The following RNF144A variants were observed in gnomAD, a reference collection of about 807,000 sequenced individuals.
The protein encoded by RNF144A is E3 ubiquitin-protein ligase RNF144A.
Under a neutral mutation model 38.7 loss-of-function variants are expected in RNF144A, and 11 were observed. The ratio of observed to expected loss-of-function variants is 0.28; its 90% CI spans 0.18 to 0.47. The LOEUF (loss-of-function observed/expected upper bound fraction) is 0.47. Ranked by LOEUF, RNF144A falls within the 20% of genes least tolerant of loss-of-function variation. RNF144A has a pLI of 0.99. For missense variants in RNF144A, 316 were observed against 377.2 expected, an observed-to-expected ratio of 0.84 and a Z score of 1.34; for synonymous variants, 149 against 143.9, an observed-to-expected ratio of 1.04 and a Z score of -0.25.
At chr2:7,032,493 G>T (rs1672379290) in intron 8 of RNF144A, among the ~76,000 whole-genome samples, 1 of 152,262 alleles carries the variant, frequency 6.6e-6, no homozygotes, top group South Asian at 2.1e-4. Flanking sequence ...AAATCGAGGT[G>T]TCAGCAGGGC....
At chr2:6,942,262 G>C (rs1290402502) in intron 2 of RNF144A, among the ~76,000 whole-genome samples, 2 of 152,098 alleles carry the variant, frequency 1.3e-5, no homozygotes, top group African/African-American at 4.8e-5. Flanking sequence ...GACCATCTCA[G>C]AGGACGTTAG....
intron 3 of RNF144A, among the ~76,000 whole-genome samples, chr2:7,009,670 C>T (rs967185878): frequency 6.6e-6 from 1 of 152,184 alleles, no homozygotes; most frequent in Non-Finnish European, 1.5e-5. Flanking sequence ...CAGTTTGCTG[C>T]AGGTTCCCAG....
intron 6 of RNF144A, among the ~76,000 whole-genome samples, chr2:7,062,499 A>T (rs1269044153): frequency 2.8e-5 from 1 of 36,332 alleles, no homozygotes; most frequent in Non-Finnish European, 8.7e-5. Context: ...CTGGGTGCTA[A>T]AAAAAAAAAA....
chr2:6,980,921 G>C (rs1193545488), intron 2 of RNF144A, among the ~76,000 whole-genome samples: 1 of 152,198 alleles, frequency 6.6e-6, no homozygotes, highest in East Asian at 1.9e-4. Flanking sequence ...CTTAACTCTT[G>C]CCTTATGCGC....
At chr2:6,959,998 G>A (rs1443092171) in intron 2 of RNF144A, among the ~76,000 whole-genome samples, 1 of 152,218 alleles carries the variant, frequency 6.6e-6, no homozygotes, top group Non-Finnish European at 1.5e-5. Flanking sequence ...GCTGCTCCAT[G>A]TTACTTCCTC....
chr2:6,977,019 A>T (rs1217824654), intron 2 of RNF144A, among the ~76,000 whole-genome samples: 1 of 152,250 alleles, frequency 6.6e-6, no homozygotes, highest in Non-Finnish European at 1.5e-5. Flanking sequence ...TGAAATTCCC[A>T]GAAATTGGGC....
At chr2:6,989,702 G>A (rs983867421) in intron 2 of RNF144A, among the ~76,000 whole-genome samples, 2 of 151,922 alleles carry the variant, frequency 1.3e-5, no homozygotes, top group African/African-American at 4.8e-5. Context: ...GTGTCATACA[G>A]AATAGTTTTA....
intron 6 of RNF144A, among the ~76,000 whole-genome samples, chr2:7,053,707 T>C (rs1371649509): frequency 6.6e-6 from 1 of 152,248 alleles, no homozygotes; most frequent in Non-Finnish European, 1.5e-5. Context: ...TGTATATGTA[T>C]ACATTTGTAA....
chr2:7,025,100 G>C (rs1266714694), intron 7 of RNF144A, among the ~76,000 whole-genome samples: 3 of 152,150 alleles, frequency 2.0e-5, no homozygotes, highest in African/African-American at 7.2e-5. Flanking sequence ...TGGCAGAATG[G>C]AAGTTCTGGT....
rs552621281 is a variant in RNF144A, at chr2:6,978,477, C to T, written c.-11-18439C>T. 3.9e-5 allele frequency: 6 copies of T among 152,294 alleles called. No individual in the cohort carries two copies. The East Asian group carries it at 5.8e-4, about 15-fold the overall frequency. The allele number at this position is 152,294 out of a possible 1,614,324, so 9.4% of individuals were successfully genotyped here. On this transcript the variant is annotated intron_variant, in intron 2 of 8. Transcript: ENST00000320892. ...GGTTCCAGGGGTAAAAACCCAAGTT[C>T]GAACGTGGGGCTGGGAATAATTACT...
At chr2:7,001,697 A>G (rs554051696) in intron 3 of RNF144A, among the ~76,000 whole-genome samples, 2 of 152,202 alleles carry the variant, frequency 1.3e-5, no homozygotes, top group South Asian at 4.1e-4. Flanking sequence ...CAAAACAAAA[A>G]CGTAACATTT....
chr2:7,008,278 C>A (rs1670578178), intron 3 of RNF144A, among the ~76,000 whole-genome samples: 1 of 152,258 alleles, frequency 6.6e-6, no homozygotes, highest in Admixed American at 6.5e-5. Flanking sequence ...ATGTGCAGGC[C>A]TCCTCGGGAA....
At chr2:7,013,112 G>A (rs1049398974) in intron 3 of RNF144A, among the ~76,000 whole-genome samples, 2 of 152,194 alleles carry the variant, frequency 1.3e-5, no homozygotes, top group African/African-American at 4.8e-5. Context: ...TATTTTGCTA[G>A]GATGGGGAGA....
intron 3 of RNF144A, among the ~76,000 whole-genome samples, chr2:7,010,169 C>A (rs113281891): frequency 6.6e-6 from 1 of 152,164 alleles, no homozygotes; most frequent in African/African-American, 2.4e-5. Flanking sequence ...CCGCTGTCTC[C>A]GGGGTACTGG....
At chr2:6,973,258 T>C (rs1212421599) in intron 2 of RNF144A, among the ~76,000 whole-genome samples, 2 of 152,198 alleles carry the variant, frequency 1.3e-5, no homozygotes, top group African/African-American at 2.4e-5. Context: ...CTTTTCAGTA[T>C]AGGATGTTGT....
At position 7,020,587 on chromosome 2, in the gene RNF144A, G is replaced by A. The variant is rs377363682; in HGVS notation, c.416G>A (p.Arg139His). ...CAGCCAGTGCAGTGCAAAGCCTGCC[G>A]TATGGAATTCTGCTCCACCTGCAAA... ...TPQPVQCKAC[R>H]MEFCSTCKAS... Residue 139 changes from arginine to histidine, a missense_variant, in exon 6 of 9, where the codon CGT becomes CAT. Physicochemically the swap from Arg to His is conservative, Grantham distance 29. Coordinates refer to ENST00000320892, the MANE Select transcript of RNF144A (RefSeq NM_014746.6). 6.9e-5 allele frequency: 111 copies of A among 1,612,424 alleles called. No homozygotes were observed. Among genetic ancestry groups the A allele is most frequent in the Non-Finnish European group, 8.1e-5 (96 of 1,180,010 alleles).
chr2:7,066,286 A>G (rs1407689715), intron 6 of RNF144A, among the ~76,000 whole-genome samples: 1 of 151,882 alleles, frequency 6.6e-6, no homozygotes, highest in East Asian at 1.9e-4. Flanking sequence ...ACGGGGTTTC[A>G]CCGTGTTAGC....
intron 2 of RNF144A, among the ~76,000 whole-genome samples, chr2:6,954,770 A>T (rs1666894715): frequency 6.6e-6 from 1 of 152,248 alleles, no homozygotes; most frequent in Non-Finnish European, 1.5e-5. Context: ...AAGGACTGAG[A>T]TCTTACGTGC....
chr2:7,037,954 C>A (rs781444345), intron 8 of RNF144A, among the ~76,000 whole-genome samples: 2 of 152,228 alleles, frequency 1.3e-5, no homozygotes, highest in Non-Finnish European at 2.9e-5. Flanking sequence ...CTCATTTCTG[C>A]AGGCTGCCTG....
Sources: allele counts gnomAD v4.1 joint callset (sites outside exome capture counted in the v4.1 genomes callset), GRCh38; gene constraint gnomAD v4.1.1; transcripts MANE v1.5; gene names NCBI Gene and HGNC (gene_info 2026-07-23, HGNC 2026-07-21).